Variants in ADCY1 observed in about 807,000 individuals in gnomAD.
ADCY1 encodes the protein adenylate cyclase type 1.
ADCY1 carries 28 observed loss-of-function variants against 105.4 expected under a neutral mutation model. That is an observed-to-expected ratio of 0.27 (90% CI 0.20 to 0.36). The LOEUF (loss-of-function observed/expected upper bound fraction) is 0.36, where lower values mean the gene tolerates loss of function less well. Ranked by LOEUF, ADCY1 falls within the 10% of genes least tolerant of loss-of-function variation. The probability of loss-of-function intolerance (pLI) is 1.00; values close to 1 mark genes in which losing one functional copy is unlikely to be tolerated. For synonymous variants in ADCY1, 655 were observed against 623.8 expected (o/e 1.05, Z -0.75); for missense variants, 977 against 1,434.2 (o/e 0.68, Z 5.15).
intron 7 of ADCY1, among the ~76,000 whole-genome samples, chr7:45,660,624 G>A (rs1486806032): frequency 6.6e-6 from 1 of 152,242 alleles, no homozygotes. Context: ...ATGATCAAGA[G>A]TGATCAAGTC....
At chr7:45,585,442 T>C (rs1477078517) in intron 1 of ADCY1, among the ~76,000 whole-genome samples, 1 of 61,310 alleles carries the variant, frequency 1.6e-5, no homozygotes, top group Non-Finnish European at 3.8e-5. Flanking sequence ...GGTACATCTT[T>C]TTTTTTTTTT....
At chr7:45,689,271 G>A (rs1784742665) in intron 14 of ADCY1, among the ~76,000 whole-genome samples, 1 of 152,040 alleles carries the variant, frequency 6.6e-6, no homozygotes, top group African/African-American at 2.4e-5. Context: ...GGACCCTGGT[G>A]GGGGCATAAA....
At chr7:45,588,216 G>A (rs370860375) in intron 1 of ADCY1, among the ~76,000 whole-genome samples, 5 of 152,052 alleles carry the variant, frequency 3.3e-5, no homozygotes, top group African/African-American at 1.2e-4. Flanking sequence ...TGTGTCCTTT[G>A]ATACACCCCC....
intron 2 of ADCY1, among the ~76,000 whole-genome samples, chr7:45,596,823 G>A (rs1238850080): frequency 6.6e-6 from 1 of 152,220 alleles, no homozygotes; most frequent in East Asian, 1.9e-4. Flanking sequence ...TGTGCTCACA[G>A]AGGGGAGCTC....
At chr7:45,664,677 G>T in intron 8 of ADCY1, 1 of 337,546 alleles carries the variant, frequency 3.0e-6, no homozygotes, top group East Asian at 6.1e-5. Context: ...ATGGTACACA[G>T]GCAGTTTGGT....
chr7:45,668,998 G>A (rs980282144), intron 8 of ADCY1, among the ~76,000 whole-genome samples: 5 of 152,032 alleles, frequency 3.3e-5, no homozygotes, highest in Admixed American at 6.5e-5. Context: ...ATTTTATATT[G>A]CATCTATTTG....
At chr7:45,595,797 CT>C in intron 2 of ADCY1, among the ~76,000 whole-genome samples, 1 of 152,382 alleles carries the variant, frequency 6.6e-6, no homozygotes, top group Middle Eastern at 3.4e-3. Context: ...CCTTCCCTGA[CT>C]TTACCAAGTA....
intron 8 of ADCY1, among the ~76,000 whole-genome samples, chr7:45,670,477 G>A (rs1784344626): frequency 6.6e-6 from 1 of 152,162 alleles, no homozygotes; most frequent in Admixed American, 6.5e-5. Context: ...CTTGAGGGAG[G>A]ATCCATGTCC....
intron 14 of ADCY1, among the ~76,000 whole-genome samples, chr7:45,695,985 A>G (rs1012844178): frequency 6.6e-6 from 1 of 152,220 alleles, no homozygotes; most frequent in Non-Finnish European, 1.5e-5. Flanking sequence ...AGATAGAGAA[A>G]CGTTGGTAAC....
intron 1 of ADCY1, among the ~76,000 whole-genome samples, chr7:45,590,426 G>A (rs778445483): frequency 2.0e-5 from 3 of 151,908 alleles, no homozygotes; most frequent in South Asian, 2.1e-4. Context: ...AGGCTCCTCC[G>A]CAGGCCTTGC....
chr7:45,625,664 ATGAG>A (rs1033954525), intron 4 of ADCY1, among the ~76,000 whole-genome samples: 4 of 152,088 alleles, frequency 2.6e-5, no homozygotes, highest in Admixed American at 6.5e-5. Context: ...TGGTATATAT[ATGAG>A]TATGTGCATG....
chr7:45,650,776 T>C lies in ADCY1; in HGVS notation c.1148+1979T>C, dbSNP rs117553101. 1.2e-4 allele frequency among the ~76,000 whole-genome samples: 19 copies of C among 152,312 alleles called. No individual in the cohort carries two copies. In the East Asian group the frequency reaches 3.5e-3, roughly 28 times the overall value. On this transcript the variant is annotated intron_variant, in intron 5 of 19. Transcript: ENST00000297323. ...GTCCTTCCTTCTACTGTTTCTGCCCTGCATGTTGATGGGTTATAAGCTGTT... is the reference window on the plus strand; with the variant it reads ...GTCCTTCCTTCTACTGTTTCTGCCCCGCATGTTGATGGGTTATAAGCTGTT...
chr7:45,664,958 G>A (rs1473672582), intron 8 of ADCY1, among the ~76,000 whole-genome samples: 1 of 152,064 alleles, frequency 6.6e-6, no homozygotes, highest in Non-Finnish European at 1.5e-5. Flanking sequence ...AGGCCTCTGT[G>A]TGTGATGTTC....
intron 8 of ADCY1, among the ~76,000 whole-genome samples, chr7:45,674,998 A>G (rs1014079452): frequency 1.3e-5 from 2 of 152,172 alleles, no homozygotes; most frequent in South Asian, 4.1e-4. Context: ...CATTTATTAC[A>G]GCCTCTTTTA....
At chr7:45,605,031 C>G (rs963745842) in intron 2 of ADCY1, among the ~76,000 whole-genome samples, 10 of 152,104 alleles carry the variant, frequency 6.6e-5, no homozygotes, top group African/African-American at 2.4e-4. Flanking sequence ...ACATACAAAT[C>G]CTATACATGT....
chr7:45,643,927 T>C (rs533914832), intron 4 of ADCY1, among the ~76,000 whole-genome samples: 6 of 152,310 alleles, frequency 3.9e-5, no homozygotes, highest in African/African-American at 1.4e-4. Flanking sequence ...CCTGATTTGA[T>C]CCTGTTGATG....
rs895662733 is a variant in ADCY1, at chr7:45,709,539, C to T, written c.2933-989C>T. On this transcript the variant is annotated intron_variant, in intron 18 of 19. Coordinates refer to ENST00000297323, the MANE Select transcript of ADCY1 (RefSeq NM_021116.4). ...TGGGAAGTGGTCCTTTGGGGTTCTT[C>T]TCTGAGTTTACCATGCCCACCTTCC... 4.8e-4 allele frequency among the ~76,000 whole-genome samples: 73 copies of T among 152,336 alleles called. 1 individual carries two copies. The highest frequency in any genetic ancestry group is 1.7e-3 in the African/African-American group (70 of 41,584).
At chr7:45,577,325 G>T (rs1025988341) in intron 1 of ADCY1, among the ~76,000 whole-genome samples, 3 of 152,204 alleles carry the variant, frequency 2.0e-5, no homozygotes, top group Admixed American at 2.0e-4. Context: ...CTATACAGGT[G>T]GTAGTGATAC....
At chr7:45,698,758 G>A (rs533727109) in intron 14 of ADCY1, among the ~76,000 whole-genome samples, 2 of 152,270 alleles carry the variant, frequency 1.3e-5, no homozygotes, top group South Asian at 4.1e-4. Context: ...TGAAGTGGCC[G>A]TGCAAAGCTA....
Sources: allele counts gnomAD v4.1 joint callset (sites outside exome capture counted in the v4.1 genomes callset), GRCh38; gene constraint gnomAD v4.1.1; transcripts MANE v1.5; gene names NCBI Gene and HGNC (gene_info 2026-07-23, HGNC 2026-07-21).